The following KCNIP4 variants were observed in gnomAD, a reference collection of about 807,000 sequenced individuals.
KCNIP4 encodes the protein Kv channel-interacting protein 4.
In KCNIP4, 12 loss-of-function variants were observed where a neutral mutation model predicts 34.0. That is an observed-to-expected ratio of 0.35 (90% confidence interval 0.23 to 0.57). KCNIP4 has a LOEUF of 0.57. Among genes scored for constraint, KCNIP4 ranks in the 20% least tolerant of loss-of-function variants. The probability of loss-of-function intolerance (pLI) is 0.83; values close to 1 mark genes in which losing one functional copy is unlikely to be tolerated. For missense variants in KCNIP4, 238 were observed against 311.7 expected, an observed-to-expected ratio of 0.76 and a Z score of 1.78; for synonymous variants, 124 against 102.2, an observed-to-expected ratio of 1.21 and a Z score of -1.29.
intron 1 of KCNIP4, among the ~76,000 whole-genome samples, chr4:20,980,809 T>TAAA (rs547579828): frequency 7.6e-6 from 1 of 131,110 alleles, no homozygotes; most frequent in Non-Finnish European, 1.7e-5. Context: ...TTCTCCACCA[T>TAAA]AAAAAAAAAA....
chr4:20,909,187 T>C (rs1173961555), intron 1 of KCNIP4, among the ~76,000 whole-genome samples: 1 of 152,196 alleles, frequency 6.6e-6, no homozygotes, highest in East Asian at 1.9e-4. Context: ...TATATGAAAT[T>C]GTTACTGGTG....
chr4:21,832,825 G>A (rs1322783641), intron 1 of KCNIP4, among the ~76,000 whole-genome samples: 2 of 147,642 alleles, frequency 1.4e-5, no homozygotes, highest in Non-Finnish European at 3.0e-5. Flanking sequence ...CCACCTATGA[G>A]TGAGAATATG....
chr4:21,062,780 C>T (rs1029784912), intron 1 of KCNIP4, among the ~76,000 whole-genome samples: 34 of 152,046 alleles, frequency 2.2e-4, no homozygotes, highest in African/African-American at 8.0e-4. Flanking sequence ...AATTTGAAGG[C>T]AAGAACAATT....
At chr4:21,243,841 C>T (rs924389744) in intron 1 of KCNIP4, among the ~76,000 whole-genome samples, 1 of 152,068 alleles carries the variant, frequency 6.6e-6, no homozygotes, top group Non-Finnish European at 1.5e-5. Context: ...ATATTGCATG[C>T]TAGAGGCCTC....
At chr4:21,399,278 GC>G (rs1723266004) in intron 1 of KCNIP4, among the ~76,000 whole-genome samples, 1 of 152,168 alleles carries the variant, frequency 6.6e-6, no homozygotes, top group Admixed American at 6.5e-5. Context: ...GGCCAATGAG[GC>G]ATGAGGCCGT....
At chr4:21,057,112 G>A (rs1211613985) in intron 1 of KCNIP4, among the ~76,000 whole-genome samples, 1 of 152,084 alleles carries the variant, frequency 6.6e-6, no homozygotes, top group Non-Finnish European at 1.5e-5. Flanking sequence ...TTTACAATGT[G>A]CCCAAATTGT....
At position 21,502,860 on chromosome 4, in the gene KCNIP4, A is replaced by G. The variant is rs575562746; in HGVS notation, c.61+445711T>C. ...TATTAGGGTCTCCAGGTAATATTGC[A>G]TAATTGCTAATGCATTATAATTTTT... On this transcript the variant is annotated intron_variant, in intron 1 of 8. Transcript: ENST00000382152. Among the ~76,000 whole-genome samples the G allele has an allele frequency of 2.6e-5, 4 of 152,330 alleles. No homozygotes were observed. In the East Asian group the frequency reaches 5.8e-4, roughly 22 times the overall value.
intron 1 of KCNIP4, among the ~76,000 whole-genome samples, chr4:21,406,185 A>G (rs1452991111): frequency 6.6e-6 from 1 of 152,188 alleles, no homozygotes; most frequent in Non-Finnish European, 1.5e-5. Context: ...TGTAGCTGAA[A>G]GTCAATGCTT....
intron 1 of KCNIP4, chr4:21,582,470 G>C (rs1274350149): frequency 6.6e-6 from 1 of 151,814 alleles, no homozygotes; most frequent in Admixed American, 6.6e-5. Context: ...TTCAATAATA[G>C]AAATAAATAT....
chr4:21,489,968 T>C (rs1027755769), intron 1 of KCNIP4, among the ~76,000 whole-genome samples: 2 of 152,172 alleles, frequency 1.3e-5, no homozygotes, highest in Admixed American at 1.3e-4. Flanking sequence ...AACTACAATT[T>C]ATTTCTGAGC....
intron 3 of KCNIP4, among the ~76,000 whole-genome samples, chr4:20,843,871 C>G (rs78472785): frequency 0.011 from 1,719 of 152,272 alleles, 23 homozygotes; most frequent in African/African-American, 0.031. Flanking sequence ...AACACAATTT[C>G]GTTCACACCA....
chr4:20,965,545 GACTTA>G (rs1308278197), intron 1 of KCNIP4, among the ~76,000 whole-genome samples: 1 of 152,058 alleles, frequency 6.6e-6, no homozygotes, highest in East Asian at 1.9e-4. Context: ...ATTATTCCAG[GACTTA>G]ACTTGTGCCC....
At chr4:21,020,229 A>T (rs1006706184) in intron 1 of KCNIP4, among the ~76,000 whole-genome samples, 3 of 152,140 alleles carry the variant, frequency 2.0e-5, no homozygotes, top group African/African-American at 7.2e-5. Flanking sequence ...TCAAAAGAAC[A>T]TATTTTCTAC....
chr4:21,391,329 GGAAAAAC>G (rs34479478), intron 1 of KCNIP4, among the ~76,000 whole-genome samples: 5,105 of 152,082 alleles, frequency 0.034, 301 homozygotes, highest in African/African-American at 0.11. Context: ...AGCATAAAAA[GGAAAAAC>G]TTACTAAGCT....
At chr4:20,990,011 G>T (rs938453103) in intron 1 of KCNIP4, among the ~76,000 whole-genome samples, 7 of 152,156 alleles carry the variant, frequency 4.6e-5, no homozygotes, top group African/African-American at 7.2e-5. Flanking sequence ...GGTAAAGCCA[G>T]ATTGAGACCT....
At chr4:21,926,632 T>G (rs185855156) in intron 1 of KCNIP4, among the ~76,000 whole-genome samples, 52 of 152,198 alleles carry the variant, frequency 3.4e-4, no homozygotes, top group Admixed American at 3.4e-3. Flanking sequence ...GAAGAACAAA[T>G]CAAGCAATCT....
chr4:20,818,838 GAAT>G (rs541713000), intron 3 of KCNIP4, among the ~76,000 whole-genome samples: 2 of 149,964 alleles, frequency 1.3e-5, no homozygotes, highest in Non-Finnish European at 3.0e-5. Flanking sequence ...AAGTATTCCA[GAAT>G]AATCATAAGA....
At chr4:20,908,869 T>C (rs568648172) in intron 1 of KCNIP4, among the ~76,000 whole-genome samples, 4 of 152,246 alleles carry the variant, frequency 2.6e-5, no homozygotes, top group Non-Finnish European at 4.4e-5. Flanking sequence ...ACATAATTCA[T>C]GAAAAGTGCT....
At chr4:21,568,767 G>C (rs989498060) in intron 1 of KCNIP4, among the ~76,000 whole-genome samples, 22 of 152,094 alleles carry the variant, frequency 1.4e-4, no homozygotes, top group African/African-American at 5.1e-4. Context: ...TTGGGATTCG[G>C]ACTGGCTTCC....
Sources: allele counts gnomAD v4.1 joint callset (sites outside exome capture counted in the v4.1 genomes callset), GRCh38; gene constraint gnomAD v4.1.1; transcripts MANE v1.5; gene names NCBI Gene and HGNC (gene_info 2026-07-23, HGNC 2026-07-21).